PIBF1: variants seen among roughly 807,000 people sequenced by gnomAD.
PIBF1 encodes the protein progesterone immunomodulatory binding factor 1.
A neutral mutation model predicts 112.5 loss-of-function variants in PIBF1; 90 were observed. That is an observed-to-expected ratio of 0.80 (90% confidence interval 0.67 to 0.95). The LOEUF (loss-of-function observed/expected upper bound fraction) is 0.95. Among genes scored for constraint, PIBF1 ranks in the 40% least tolerant of loss-of-function variants. PIBF1 has a pLI of 0.00. For synonymous variants in PIBF1, 301 were observed against 288.6 expected (o/e 1.04, Z -0.44); for missense variants, 915 against 852.3 (o/e 1.07, Z -0.92).
intron 9 of PIBF1, among the ~76,000 whole-genome samples, chr13:72,846,775 A>G (rs559593409): frequency 6.2e-4 from 94 of 152,184 alleles, no homozygotes; most frequent in Non-Finnish European, 8.4e-4. Flanking sequence ...TAATCTATCA[A>G]CATACTACAT....
chr13:72,988,486 G>A (rs2043375705), intron 16 of PIBF1, among the ~76,000 whole-genome samples: 1 of 152,108 alleles, frequency 6.6e-6, no homozygotes, highest in Admixed American at 6.6e-5. Flanking sequence ...ACAATTTGCA[G>A]TACAAAATCT....
chr13:72,957,984 A>G (rs1320183777), intron 14 of PIBF1, among the ~76,000 whole-genome samples: 1 of 151,766 alleles, frequency 6.6e-6, no homozygotes, highest in African/African-American at 2.4e-5. Flanking sequence ...GAAAAAAACA[A>G]TTAGCCAGTT....
chr13:72,863,929 A>C (rs766921696), intron 10 of PIBF1, among the ~76,000 whole-genome samples: 8 of 152,204 alleles, frequency 5.3e-5, no homozygotes, highest in Non-Finnish European at 8.8e-5. Context: ...GGCAATGATC[A>C]CATTTTAAAA....
intron 16 of PIBF1, among the ~76,000 whole-genome samples, chr13:72,987,932 G>T (rs1334828476): frequency 7.5e-6 from 1 of 132,960 alleles, no homozygotes; most frequent in Admixed American, 8.6e-5. Flanking sequence ...GTGTGATCTC[G>T]GCTCACTGCA....
chr13:72,932,121 T>C (rs1388546211), intron 14 of PIBF1, among the ~76,000 whole-genome samples: 1 of 151,886 alleles, frequency 6.6e-6, no homozygotes, highest in Non-Finnish European at 1.5e-5. Context: ...TTTGTATTTT[T>C]TTGGTAGAGA....
intron 17 of PIBF1, 119 bp downstream of exon 17, chr13:72,999,114 A>G (rs2043776589): frequency 3.1e-6 from 2 of 638,178 alleles, no homozygotes; most frequent in South Asian, 4.5e-5. Flanking sequence ...ATGTTTCATG[A>G]AAAGACCTTG....
At chr13:72,790,514 GA>G (rs1566271948) in intron 2 of PIBF1, among the ~76,000 whole-genome samples, 2 of 11,892 alleles carry the variant, frequency 1.7e-4, no homozygotes, top group Non-Finnish European at 6.9e-4. Flanking sequence ...CACACACATA[GA>G]TAGATAGATA....
At chr13:73,002,062 G>A (rs1279273429) in intron 17 of PIBF1, among the ~76,000 whole-genome samples, 1 of 152,154 alleles carries the variant, frequency 6.6e-6, no homozygotes, top group Admixed American at 6.5e-5. Context: ...CAGAGTCATT[G>A]TTCAGGCACT....
chr13:72,973,777 ACTTCT>A (rs749805263), intron 16 of PIBF1, 102 bp downstream of exon 16: 142 of 648,980 alleles, frequency 2.2e-4, no homozygotes, highest in Admixed American at 1.3e-4. Flanking sequence ...TTCATTAATG[ACTTCT>A]CTTATTTATG....
chr13:72,993,881 G>A (rs1271032660), intron 16 of PIBF1, among the ~76,000 whole-genome samples: 4 of 151,982 alleles, frequency 2.6e-5, no homozygotes, highest in Non-Finnish European at 5.9e-5. Context: ...TAAATTGTAT[G>A]CCATCAAATA....
chr13:72,893,461 A>G (rs984020365), intron 10 of PIBF1, among the ~76,000 whole-genome samples: 41 of 152,254 alleles, frequency 2.7e-4, no homozygotes, highest in African/African-American at 9.4e-4. Flanking sequence ...AAAAAGGCCT[A>G]TGAGAAGTAT....
chr13:72,944,316 G>T (rs1001458079), intron 14 of PIBF1, among the ~76,000 whole-genome samples: 1 of 151,768 alleles, frequency 6.6e-6, no homozygotes, highest in African/African-American at 2.4e-5. Flanking sequence ...GCGTGGTTGT[G>T]GGCACCTGTA....
At chr13:72,864,667 G>A (rs781634405) in intron 10 of PIBF1, among the ~76,000 whole-genome samples, 2 of 152,042 alleles carry the variant, frequency 1.3e-5, no homozygotes, top group Non-Finnish European at 2.9e-5. Flanking sequence ...AAAAAAAGAC[G>A]TATGAAAAAT....
At chr13:72,961,401 A>G (rs2042604006) in intron 14 of PIBF1, among the ~76,000 whole-genome samples, 1 of 152,090 alleles carries the variant, frequency 6.6e-6, no homozygotes, top group Non-Finnish European at 1.5e-5. Flanking sequence ...GCTAAAGTAT[A>G]CTCTTAAAGG....
Position 72,940,721 on chromosome 13 carries a change from G to A in PIBF1, c.1833+9454G>A, listed in dbSNP as rs1046708895. Among the ~76,000 whole-genome samples, 7 of 152,104 alleles carry A rather than the reference G, an allele frequency of 4.6e-5. No homozygotes were observed. The South Asian group carries it at 8.3e-4, about 18-fold the overall frequency. On this transcript the variant is annotated intron_variant, in intron 14 of 17. Coordinates refer to ENST00000326291, the MANE Select transcript of PIBF1 (RefSeq NM_006346.4). ...TTTTTTAGGCAGAGAAGGGTTTATC[G>A]TAAGGCCAATTTCTCCCCCATTACT... is the stretch of plus-strand genomic sequence containing the variant.
intron 9 of PIBF1, among the ~76,000 whole-genome samples, chr13:72,844,765 A>ATGAAGT (rs1555296189): frequency 1.1e-4 from 12 of 106,250 alleles, no homozygotes; most frequent in Admixed American, 2.7e-4. Flanking sequence ...ACACACACAC[A>ATGAAGT]CACACACACA....
Position 72,962,632 on chromosome 13 carries a change from A to C in PIBF1, c.1834-2642A>C, listed in dbSNP as rs191561745. On this transcript the variant is annotated intron_variant, in intron 14 of 17. Coordinates refer to ENST00000326291, the MANE Select transcript of PIBF1 (RefSeq NM_006346.4). ...AAAGGAAGAAAACATTTAGGAATAA[A>C]TTAACCAAATGGACACAAGACATCC... is the stretch of plus-strand genomic sequence containing the variant. 1.1e-4 allele frequency among the ~76,000 whole-genome samples: 17 copies of C among 152,150 alleles called. No homozygotes were observed. In the East Asian group the frequency reaches 3.3e-3, roughly 29 times the overall value.
In PIBF1 at chr13:72,795,516, G is replaced by C. The variant is rs752690503; in HGVS notation, c.511G>C (p.Ala171Pro). 3.1e-6 allele frequency: 5 copies of C among 1,601,762 alleles called. No homozygotes were observed. The highest frequency in any genetic ancestry group is 4.3e-6 in the Non-Finnish European group (5 of 1,175,674). The change falls in exon 4 of 18, where the codon GCT becomes CCT. Residue 171 changes from alanine to proline, a missense_variant. Transcript: ENST00000326291. ...AGAAGAGCAATATATTAAATTAAAA[G>C]CTTTTCCTGAAGATCAGCTTTCTAT... ...LTEEQYIKLK[A>P]FPEDQLSIPE...
In PIBF1 at chr13:72,783,670, A is replaced by G. The variant is rs777747781; in HGVS notation, c.201A>G (p.Leu67=). 16 of 1,613,886 alleles carry G rather than the reference A, an allele frequency of 9.9e-6. No individual in the cohort carries two copies. In the African/African-American group the frequency reaches 1.7e-4, roughly 17 times the overall value. The part of the protein sequence containing the change: ...LHNIQLLKIE[L]SQKTMMIDNL... ...ATATTCAGTTACTAAAAATTGAGCTATCCCAGAAAACTATGATGATCGACA... is the reference window on the plus strand; with the variant it reads ...ATATTCAGTTACTAAAAATTGAGCTGTCCCAGAAAACTATGATGATCGACA... The change falls in exon 2 of 18, where the codon CTA becomes CTG. Residue 67 remains leucine (L), a synonymous_variant. Coordinates refer to ENST00000326291, the MANE Select transcript of PIBF1 (RefSeq NM_006346.4).
Sources: allele counts gnomAD v4.1 joint callset (sites outside exome capture counted in the v4.1 genomes callset), GRCh38; gene constraint gnomAD v4.1.1; transcripts MANE v1.5; gene names NCBI Gene and HGNC (gene_info 2026-07-23, HGNC 2026-07-21).